PDCL2: variants seen among roughly 807,000 people sequenced by gnomAD.
PDCL2 encodes the protein phosducin-like protein 2.
Under a neutral mutation model 30.3 loss-of-function variants are expected in PDCL2, and 23 were observed. That is an observed-to-expected ratio of 0.76 (90% CI 0.55 to 1.08). The LOEUF (loss-of-function observed/expected upper bound fraction) is 1.08. PDCL2 is among the 50% of genes least tolerant of loss of function. PDCL2 has a pLI of 0.00. For synonymous variants in PDCL2, 68 were observed against 86.2 expected, an observed-to-expected ratio of 0.79 and a Z score of 1.17; for missense variants, 243 against 282.3, an observed-to-expected ratio of 0.86 and a Z score of 1.00.
chr4:55,574,417 A>G (rs1732508380), intron 3 of PDCL2, among the ~76,000 whole-genome samples: 1 of 152,198 alleles, frequency 6.6e-6, no homozygotes, highest in Non-Finnish European at 1.5e-5. Flanking sequence ...TGATATATAC[A>G]TTTCAATGAC....
chr4:55,569,609 A>C, intron 4 of PDCL2, 109 bp downstream of exon 4: 1 of 634,408 alleles, frequency 1.6e-6, no homozygotes, highest in Non-Finnish European at 2.5e-6. Context: ...TGTGCAATAT[A>C]TAGTTGCTTT....
chr4:55,560,460 T>C (rs953079752), intron 5 of PDCL2, among the ~76,000 whole-genome samples: 1 of 151,896 alleles, frequency 6.6e-6, no homozygotes, highest in Admixed American at 6.6e-5. Flanking sequence ...AAATTTTTCT[T>C]AAAAAATAGT....
Position 55,568,608 on chromosome 4 carries a change from A to G in PDCL2, c.362+1110T>C, listed in dbSNP as rs574200433. ...TAGGTGAGAAAATGGTATTGTGGTT[A>G]TGTAGAAGAACGTTCTTGAAGGGAT... On this transcript the variant is annotated intron_variant, in intron 4 of 5. Coordinates refer to ENST00000295645, the MANE Select transcript of PDCL2 (RefSeq NM_152401.3). 2.0e-5 allele frequency among the ~76,000 whole-genome samples: 3 copies of G among 152,260 alleles called. No individual in the cohort carries two copies. The East Asian group carries it at 5.8e-4, about 29-fold the overall frequency.
At chr4:55,578,590 GTTTT>G (rs796948948) in intron 3 of PDCL2, among the ~76,000 whole-genome samples, 5 of 145,164 alleles carry the variant, frequency 3.4e-5, no homozygotes, top group African/African-American at 1.3e-4. Flanking sequence ...TCATCAGTGG[GTTTT>G]TTTTTTTAAT....
At chr4:55,568,524 G>A (rs146526468) in intron 4 of PDCL2, among the ~76,000 whole-genome samples, 152 of 152,194 alleles carry the variant, frequency 1.0e-3, no homozygotes, top group African/African-American at 3.4e-3. Flanking sequence ...TAAGTCAGTC[G>A]GGAAAATCTG....
In PDCL2 at chr4:55,592,217, C is replaced by G; in HGVS notation, c.-108G>C. ...GGCTGGAAGAGCGCCCGCTTCAGGC[C>G]CGGCGGTTTCGAGTGACCGCCAGAA... is the stretch of plus-strand genomic sequence containing the variant. On this transcript the variant is annotated 5_prime_UTR_variant, in exon 1 of 6. Coordinates refer to ENST00000295645, the MANE Select transcript of PDCL2 (RefSeq NM_152401.3). 6.6e-7 allele frequency: 1 copy of G among 1,515,226 alleles called. No homozygotes were observed. The allele number at this position is 1,515,226 out of a possible 1,614,324, so 93.9% of individuals were successfully genotyped here.
At position 55,589,333 on chromosome 4, in the gene PDCL2, T is replaced by C. The variant is rs776531069; in HGVS notation, c.6+2771A>G. On this transcript the variant is annotated intron_variant, in intron 1 of 5. Transcript: ENST00000295645. ...TTATTGATGGGAATTCCTTAAAGCC[T>C]AAACTAAAGACATCTTCCTCTACAG... is the stretch of plus-strand genomic sequence containing the variant. Among the ~76,000 whole-genome samples the C allele has an allele frequency of 6.2e-4, 95 of 152,316 alleles. 1 individual carries two copies. Among genetic ancestry groups the C allele is most frequent in the Admixed American group, 1.2e-3 (18 of 15,296 alleles).
intron 4 of PDCL2, among the ~76,000 whole-genome samples, chr4:55,569,358 T>A (rs1732361282): frequency 6.6e-6 from 1 of 152,186 alleles, no homozygotes; most frequent in South Asian, 2.1e-4. Context: ...GTTATATAAA[T>A]ATGGCAGAAG....
intron 3 of PDCL2, among the ~76,000 whole-genome samples, chr4:55,577,132 T>C (rs991002868): frequency 3.9e-5 from 6 of 152,150 alleles, no homozygotes; most frequent in Admixed American, 3.9e-4. Context: ...CTGACTCAGG[T>C]GATCCGCCTG....
intron 4 of PDCL2, among the ~76,000 whole-genome samples, chr4:55,563,130 C>A (rs1252009960): frequency 6.6e-6 from 1 of 152,188 alleles, no homozygotes; most frequent in Non-Finnish European, 1.5e-5. Flanking sequence ...CTATTCCTTA[C>A]CAGAAATTTA....
chr4:55,558,598 T>C (rs1205853229), intron 5 of PDCL2, among the ~76,000 whole-genome samples: 1 of 152,074 alleles, frequency 6.6e-6, no homozygotes, highest in Non-Finnish European at 1.5e-5. Flanking sequence ...ATACCTTACA[T>C]CAAATGATAC....
intron 4 of PDCL2, among the ~76,000 whole-genome samples, chr4:55,563,110 T>TCCCCC (rs1732177735): frequency 6.6e-6 from 1 of 152,198 alleles, no homozygotes; most frequent in African/African-American, 2.4e-5. Flanking sequence ...TGGTGGCCCA[T>TCCCCC]TATCCAGAAC....
intron 4 of PDCL2, among the ~76,000 whole-genome samples, chr4:55,564,774 C>CA (rs1388766844): frequency 1.3e-5 from 2 of 152,016 alleles, no homozygotes; most frequent in Non-Finnish European, 2.9e-5. Context: ...GGAGCCTAAT[C>CA]AAAAAACAAA....
chr4:55,572,305 G>T (rs1373841898), intron 3 of PDCL2, among the ~76,000 whole-genome samples: 1 of 152,192 alleles, frequency 6.6e-6, no homozygotes, highest in African/African-American at 2.4e-5. Context: ...CCAATAAAAA[G>T]AAGGAGCAGG....
intron 5 of PDCL2, among the ~76,000 whole-genome samples, chr4:55,559,815 T>C (rs1252618210): frequency 1.3e-5 from 2 of 152,186 alleles, no homozygotes; most frequent in Non-Finnish European, 2.9e-5. Context: ...AAAATTCTGA[T>C]AACATGCTAC....
At chr4:55,574,325 G>T (rs1406788761) in intron 3 of PDCL2, among the ~76,000 whole-genome samples, 4 of 152,116 alleles carry the variant, frequency 2.6e-5, no homozygotes, top group African/African-American at 9.7e-5. Context: ...ACATTTACCT[G>T]AAAGACTACA....
chr4:55,562,431 A>T lies in PDCL2; in HGVS notation c.544T>A (p.Cys182Ser), dbSNP rs780399700. Residue 182 changes from cysteine to serine, a missense_variant, in exon 5 of 6, where the codon TGT (cysteine) becomes AGT (serine). Physicochemically the swap from Cys to Ser is moderately radical, Grantham distance 112. Transcript: ENST00000295645. ...TCCAGCTTGAGATTTATCCCTCCACATTCTATAATTCCAATGAATTTGGCT... is the reference window on the plus strand; with the variant it reads ...TCCAGCTTGAGATTTATCCCTCCACTTTCTATAATTCCAATGAATTTGGCT... ...IEAKFIGIIECGGINLKLEEL... is the reference protein window; with the variant it reads ...IEAKFIGIIESGGINLKLEEL... The T allele has an allele frequency of 1.1e-4, 165 of 1,457,902 alleles. No individual in the cohort carries two copies. The highest frequency in any genetic ancestry group is 1.4e-4 in the Non-Finnish European group (158 of 1,101,304). 90.3% of individuals were successfully genotyped at this position (1,457,902 alleles called of 1,614,324 possible). A position where few individuals can be genotyped will look rare whatever the true frequency, so the allele number is the denominator to read the frequency against.
chr4:55,558,843 A>G lies in PDCL2; in HGVS notation c.572-2132T>C, dbSNP rs985333131. Among the ~76,000 whole-genome samples the G allele has an allele frequency of 3.3e-5, 5 of 152,224 alleles. No homozygotes were observed. The South Asian group carries it at 8.3e-4, about 25-fold the overall frequency. On this transcript the variant is annotated intron_variant, in intron 5 of 5. Coordinates refer to ENST00000295645, the MANE Select transcript of PDCL2 (RefSeq NM_152401.3). ...CTGGTGAGAATATATTAGTAATACT[A>G]TAAAAATAGTATCCAGAACTTTACA... is the stretch of plus-strand genomic sequence containing the variant.
chr4:55,567,112 C>T (rs1288700172), intron 4 of PDCL2, among the ~76,000 whole-genome samples: 1 of 152,162 alleles, frequency 6.6e-6, no homozygotes, highest in Non-Finnish European at 1.5e-5. Flanking sequence ...GTGAGATCTA[C>T]AAGCAGCATT....
Sources: gnomAD v4.1 joint callset for allele counts (sites outside exome capture counted in the v4.1 genomes callset) on GRCh38, gnomAD v4.1.1 for gene constraint, MANE v1.5 for transcripts, NCBI Gene and HGNC (gene_info 2026-07-23, HGNC 2026-07-21) for gene names.